Variants in STAG1 observed in about 807,000 individuals in gnomAD.
STAG1 encodes cohesin subunit SA-1.
STAG1 carries 26 observed loss-of-function variants against 170.9 expected under a neutral mutation model. The observed-to-expected ratio is 0.15, with a 90% confidence interval of 0.11 to 0.21. The LOEUF is 0.21. Ranked by LOEUF, STAG1 falls within the 10% of genes least tolerant of loss-of-function variation. The probability of loss-of-function intolerance (pLI) is 1.00; values close to 1 mark genes in which losing one functional copy is unlikely to be tolerated. For missense variants in STAG1, 964 were observed against 1,509.5 expected (o/e 0.64, Z 5.99); for synonymous variants, 514 against 497.7 (o/e 1.03, Z -0.44).
intron 15 of STAG1, among the ~76,000 whole-genome samples, chr3:136,439,162 T>C (rs1175280512): frequency 8.4e-6 from 1 of 119,246 alleles, no homozygotes; most frequent in Non-Finnish European, 1.6e-5. Context: ...GCCACTGCAC[T>C]ACAGCCTGGG....
chr3:136,460,354 C>A (rs2089237623), intron 13 of STAG1, among the ~76,000 whole-genome samples: 1 of 152,154 alleles, frequency 6.6e-6, no homozygotes. Flanking sequence ...TTAGTCCCAG[C>A]ACTCTTGGAG....
chr3:136,412,197 A>AT (rs985753740), intron 21 of STAG1, among the ~76,000 whole-genome samples: 3 of 152,120 alleles, frequency 2.0e-5, no homozygotes, highest in African/African-American at 7.2e-5. Flanking sequence ...AGTGATACCA[A>AT]TTTTTTTTAA....
At chr3:136,521,558 A>C in intron 6 of STAG1, 141 bp from the exon 7 acceptor site, 1 of 627,786 alleles carries the variant, frequency 1.6e-6, no homozygotes, top group Non-Finnish European at 2.8e-6. Flanking sequence ...AGCACATTTG[A>C]TTGCTTTATT....
At chr3:136,542,858 C>T (rs1404076225) in intron 5 of STAG1, among the ~76,000 whole-genome samples, 3 of 152,078 alleles carry the variant, frequency 2.0e-5, no homozygotes, top group Admixed American at 2.0e-4. Flanking sequence ...ATTTCTGAGA[C>T]AAGAGGCATC....
At chr3:136,619,214 GGGGGTGGGGCAGT>G (rs932081473) in intron 3 of STAG1, among the ~76,000 whole-genome samples, 10 of 151,168 alleles carry the variant, frequency 6.6e-5, no homozygotes, top group Non-Finnish European at 1.3e-4. Context: ...CCAAAGGGCA[GGGGGTGGGGCAGT>G]GCTTATTTAA....
chr3:136,350,848 G>A (rs929088353), intron 28 of STAG1, among the ~76,000 whole-genome samples: 1 of 152,096 alleles, frequency 6.6e-6, no homozygotes, highest in Non-Finnish European at 1.5e-5. Context: ...GAAAATGAGA[G>A]GGTGCTGGTA....
chr3:136,597,512 G>A (rs768638346), intron 4 of STAG1, among the ~76,000 whole-genome samples: 47 of 152,084 alleles, frequency 3.1e-4, no homozygotes, highest in South Asian at 4.1e-4. Flanking sequence ...TAAAATAGTA[G>A]TTTATTCTGT....
rs1015449972 is a variant in STAG1 at position 136,349,921 on chromosome 3, G to A, written c.3066-558C>T. Among the ~76,000 whole-genome samples, 16 of 152,150 alleles carry A rather than the reference G, an allele frequency of 1.1e-4. 1 individual carries two copies. The highest frequency in any genetic ancestry group is 3.6e-4 in the African/African-American group (15 of 41,442). The stretch of plus-strand genomic sequence containing the variant: ...GTAAATCCCAGCACTTTGGGAGGCC[G>A]AGGTGGGCAGATCACTTGAGGACAG... On this transcript the variant is annotated intron_variant, in intron 28 of 33. Transcript: ENST00000383202.
chr3:136,362,187 G>C (rs1044140766), intron 26 of STAG1, among the ~76,000 whole-genome samples: 1 of 151,426 alleles, frequency 6.6e-6, no homozygotes, highest in Non-Finnish European at 1.5e-5. Flanking sequence ...TCGAACTCCT[G>C]ACCTCAGGTG....
intron 3 of STAG1, among the ~76,000 whole-genome samples, chr3:136,606,287 C>G (rs571558407): frequency 1.3e-5 from 2 of 151,898 alleles, no homozygotes; most frequent in Admixed American, 6.6e-5. Context: ...CTCCCAAGTT[C>G]AAGTGATTCT....
At chr3:136,654,512 G>A (rs188206035) in intron 1 of STAG1, among the ~76,000 whole-genome samples, 4 of 152,266 alleles carry the variant, frequency 2.6e-5, no homozygotes, top group Non-Finnish European at 4.4e-5. Context: ...CACATCCCAC[G>A]TTTTTGGATT....
chr3:136,742,714 CAAA>C (rs771229199), intron 1 of STAG1, among the ~76,000 whole-genome samples: 4 of 102,024 alleles, frequency 3.9e-5, no homozygotes, highest in Non-Finnish European at 6.1e-5. Context: ...GACTCCATCT[CAAA>C]AAAAAAAAAA....
At chr3:136,681,490 G>A (rs1241692139) in intron 1 of STAG1, among the ~76,000 whole-genome samples, 1 of 152,096 alleles carries the variant, frequency 6.6e-6, no homozygotes, top group Non-Finnish European at 1.5e-5. Context: ...AAACAAGGTA[G>A]TATACAAGGC....
At chr3:136,699,238 T>C (rs914087012) in intron 1 of STAG1, among the ~76,000 whole-genome samples, 4 of 152,180 alleles carry the variant, frequency 2.6e-5, no homozygotes, top group African/African-American at 9.6e-5. Context: ...AAAGAATGAC[T>C]TCCTTTAATG....
chr3:136,414,064 A>G (rs2087704960), intron 21 of STAG1, among the ~76,000 whole-genome samples: 1 of 152,246 alleles, frequency 6.6e-6, no homozygotes, highest in Non-Finnish European at 1.5e-5. Context: ...TCAGTGAGTC[A>G]TAATTTTTTC....
intron 22 of STAG1, among the ~76,000 whole-genome samples, chr3:136,398,413 C>T (rs1006277468): frequency 6.6e-6 from 1 of 152,048 alleles, no homozygotes; most frequent in Non-Finnish European, 1.5e-5. Context: ...CCACCGTGCA[C>T]GGCCTCAATG....
rs112923269 is a variant in STAG1, at chr3:136,587,894, C to T, written c.297+16415G>A. Among the ~76,000 whole-genome samples, 265 of 151,994 alleles carry T rather than the reference C, an allele frequency of 1.7e-3. 1 individual carries two copies. The highest frequency in any genetic ancestry group is 5.3e-3 in the African/African-American group (220 of 41,438). ...GGAGAATAGCTTGAACCCGGGGGGG[C>T]GGAGGTTGCAGTGAGCCAAGATGGC... is the stretch of plus-strand genomic sequence containing the variant. On this transcript the variant is annotated intron_variant, in intron 4 of 33. Transcript: ENST00000383202.
chr3:136,478,938 G>C (rs914156876), intron 9 of STAG1, among the ~76,000 whole-genome samples: 10 of 151,886 alleles, frequency 6.6e-5, no homozygotes, highest in Admixed American at 2.6e-4. Flanking sequence ...TAAAATAGTG[G>C]TAATAATACC....
At chr3:136,649,097 T>C (rs1196775219) in intron 1 of STAG1, among the ~76,000 whole-genome samples, 1 of 152,216 alleles carries the variant, frequency 6.6e-6, no homozygotes, top group African/African-American at 2.4e-5. Context: ...TCATCCCAAA[T>C]ACCTTTATGG....
Sources: gnomAD v4.1 joint callset for allele counts (sites outside exome capture counted in the v4.1 genomes callset) on GRCh38, gnomAD v4.1.1 for gene constraint, MANE v1.5 for transcripts, NCBI Gene and HGNC (gene_info 2026-07-23, HGNC 2026-07-21) for gene names.